Variants in COL4A5 observed in about 807,000 individuals in gnomAD.
The protein encoded by COL4A5 is collagen type IV alpha 5 chain.
COL4A5 carries 26 observed loss-of-function variants against 130.2 expected under a neutral mutation model. That is an observed-to-expected ratio of 0.20 (90% CI 0.15 to 0.28). The LOEUF (loss-of-function observed/expected upper bound fraction) is 0.28, where lower values mean the gene tolerates loss of function less well. COL4A5 is among the 10% of genes least tolerant of loss of function. The pLI is 1.00. For missense variants in COL4A5, 1,131 were observed against 1,344.3 expected, an observed-to-expected ratio of 0.84 and a Z score of 2.48; for synonymous variants, 496 against 439.6, an observed-to-expected ratio of 1.13 and a Z score of -1.60.
At chrX:108,688,380 G>A (rs1440927974) in intron 49 of COL4A5, among the ~76,000 whole-genome samples, 1 of 110,514 alleles carries the variant, frequency 9.0e-6, no homozygotes, top group Admixed American at 9.6e-5. Context: ...TCTGACTTTG[G>A]ATGTTGAAGT....
intron 1 of COL4A5, among the ~76,000 whole-genome samples, chrX:108,461,720 A>G (rs1312033596): frequency 1.8e-5 from 2 of 110,697 alleles, no homozygotes; most frequent in African/African-American, 6.6e-5. Flanking sequence ...CAGCCTCCCA[A>G]GTAGCTGGGA....
chrX:108,509,588 A>G (rs1461760692), intron 1 of COL4A5, among the ~76,000 whole-genome samples: 1 of 112,065 alleles, frequency 8.9e-6, no homozygotes, highest in Non-Finnish European at 1.9e-5. Context: ...GAGAAATGCA[A>G]ATAAAAACCA....
chrX:108,469,531 T>G (rs2064743273), intron 1 of COL4A5, among the ~76,000 whole-genome samples: 1 of 111,507 alleles, frequency 9.0e-6, no homozygotes, highest in Admixed American at 9.5e-5. Context: ...TATTTGTATC[T>G]TCTCCCTTTA....
intron 49 of COL4A5, among the ~76,000 whole-genome samples, chrX:108,691,979 A>G (rs1028131381): frequency 1.8e-5 from 2 of 111,722 alleles, no homozygotes; most frequent in East Asian, 5.6e-4. Context: ...GAGCTGAGAG[A>G]CAATAGCTAA....
intron 1 of COL4A5, chrX:108,462,293 T>C (rs2064661268): frequency 8.9e-6 from 1 of 112,401 alleles, no homozygotes; most frequent in Non-Finnish European, 1.9e-5. Context: ...AAATGCCTAT[T>C]ACTATTACAA....
intron 1 of COL4A5, among the ~76,000 whole-genome samples, chrX:108,520,196 GA>G (rs1188353689): frequency 9.0e-6 from 1 of 111,200 alleles, no homozygotes; most frequent in Non-Finnish European, 1.9e-5. Flanking sequence ...CTGTTTTCTG[GA>G]AGAGTTTGGT....
intron 39 of COL4A5, among the ~76,000 whole-genome samples, chrX:108,666,811 G>C (rs2068090585): frequency 9.0e-6 from 1 of 110,541 alleles, no homozygotes; most frequent in African/African-American, 3.3e-5. Context: ...ATCTTTTCTT[G>C]TCTAATTTTT....
chrX:108,557,914 G>A (rs1203574023), intron 2 of COL4A5, among the ~76,000 whole-genome samples: 1 of 110,070 alleles, frequency 9.1e-6, no homozygotes, highest in African/African-American at 3.3e-5. Flanking sequence ...GCTGTCCTTC[G>A]GGGTTCTTTT....
chrX:108,542,901 GTCT>G (rs1386359444), intron 2 of COL4A5, among the ~76,000 whole-genome samples: 3 of 107,663 alleles, frequency 2.8e-5, no homozygotes, highest in Non-Finnish European at 5.7e-5. Flanking sequence ...CTGCATAAAT[GTCT>G]TCTTTTGAGA....
chrX:108,587,834 T>A (rs1325392681), intron 19 of COL4A5, among the ~76,000 whole-genome samples: 1 of 111,235 alleles, frequency 9.0e-6, no homozygotes, highest in African/African-American at 3.3e-5. Flanking sequence ...TATTTTATTA[T>A]TAATAAATTA....
chrX:108,571,366 T>A (rs2066061992), intron 6 of COL4A5, 47 bp from the exon 7 acceptor site: 3 of 940,251 alleles, frequency 3.2e-6, no homozygotes. Context: ...GTATAGTTAT[T>A]CTTTGTTTCT....
intron 1 of COL4A5, among the ~76,000 whole-genome samples, chrX:108,476,383 G>A (rs909573829): frequency 3.6e-5 from 4 of 109,887 alleles, no homozygotes; most frequent in Non-Finnish European, 7.6e-5. Flanking sequence ...TGGGGTATCC[G>A]TCCCCTCAAG....
chrX:108,526,581 C>T (rs1311150305), intron 1 of COL4A5, among the ~76,000 whole-genome samples: 4 of 62,604 alleles, frequency 6.4e-5, no homozygotes, highest in Admixed American at 1.6e-4. Context: ...TCCTCCCTCC[C>T]TCCCTCCCTC....
chrX:108,671,203 A>T (rs946816713), intron 42 of COL4A5, among the ~76,000 whole-genome samples: 1 of 112,186 alleles, frequency 8.9e-6, no homozygotes, highest in Non-Finnish European at 1.9e-5. Context: ...AGCAGTAAAA[A>T]AAGCCACAAA....
intron 21 of COL4A5, among the ~76,000 whole-genome samples, chrX:108,593,268 C>T (rs1166982421): frequency 2.7e-5 from 3 of 111,098 alleles, no homozygotes; most frequent in Non-Finnish European, 3.8e-5. Flanking sequence ...TTTTCATTTG[C>T]GTTTGCCTAA....
chrX:108,626,514 T>C, intron 36 of COL4A5, 165 bp downstream of exon 36: 1 of 1,153,348 alleles, frequency 8.7e-7, no homozygotes, highest in Non-Finnish European at 1.1e-6. Flanking sequence ...AGAAGATATG[T>C]TTTAGGGTTT....
chrX:108,545,554 C>T (rs985120038), intron 2 of COL4A5, among the ~76,000 whole-genome samples: 28 of 111,226 alleles, frequency 2.5e-4, no homozygotes, highest in Admixed American at 4.8e-4. Flanking sequence ...GGAGTAAGTG[C>T]GGTGTGGTGC....
chrX:108,666,906 T>G (rs1337783975), intron 39 of COL4A5, among the ~76,000 whole-genome samples: 4 of 112,485 alleles, frequency 3.6e-5, no homozygotes, highest in Non-Finnish European at 7.5e-5. Flanking sequence ...TTTTTTCTTA[T>G]AAGCATATAG....
intron 1 of COL4A5, among the ~76,000 whole-genome samples, chrX:108,506,264 C>T (rs777210306): frequency 4.5e-5 from 5 of 111,259 alleles, no homozygotes; most frequent in African/African-American, 1.6e-4. Flanking sequence ...TATCTCAATA[C>T]CACAGTCTTG....
Sources: allele counts gnomAD v4.1 joint callset (sites outside exome capture counted in the v4.1 genomes callset), GRCh38; gene constraint gnomAD v4.1.1; transcripts MANE v1.5; gene names NCBI Gene and HGNC (gene_info 2026-07-23, HGNC 2026-07-21).